Variants in VRTN observed in about 807,000 individuals in gnomAD.
VRTN encodes the protein vertnin.
VRTN carries 5 observed loss-of-function variants against 18.2 expected under a neutral mutation model. The ratio of observed to expected loss-of-function variants is 0.27; its 90% confidence interval spans 0.14 to 0.58. The LOEUF (loss-of-function observed/expected upper bound fraction) is 0.58. Among genes scored for constraint, VRTN ranks in the 20% least tolerant of loss-of-function variants. The pLI is 0.91. For synonymous variants in VRTN, 381 were observed against 393.7 expected (o/e 0.97, Z 0.38); for missense variants, 741 against 939.4 (o/e 0.79, Z 2.76).
intron 1 of VRTN, among the ~76,000 whole-genome samples, chr14:74,324,308 AACCCGGGAG>A (rs2085473991): frequency 1.3e-5 from 2 of 148,544 alleles, no homozygotes; most frequent in Non-Finnish European, 3.0e-5. Flanking sequence ...GAATCGCTTG[AACCCGGGAG>A]GCAGAGGTTG....
At chr14:74,327,128 A>G (rs1200182800) in intron 1 of VRTN, among the ~76,000 whole-genome samples, 2 of 152,122 alleles carry the variant, frequency 1.3e-5, no homozygotes, top group East Asian at 3.9e-4. Context: ...CCACTGATAA[A>G]TACACTATTT....
rs1474043765 is a variant in VRTN at position 74,332,355 on chromosome 14, T to G, written c.-163-5368T>G. On this transcript the variant is annotated intron_variant, in intron 1 of 2. Transcript: ENST00000557177. Reference sequence around the variant, plus strand: ...AATCTGTTTTTTTTTTTTTTTTTTTTTTTTTTTTTTTTTTTTTTTTTAGAT... The same window carrying G: ...AATCTGTTTTTTTTTTTTTTTTTTTGTTTTTTTTTTTTTTTTTTTTTAGAT... Among the ~76,000 whole-genome samples the G allele has an allele frequency of 8.8e-5, 11 of 125,560 alleles. 1 individual carries two copies. The highest frequency in any genetic ancestry group is 3.7e-4 in the African/African-American group (11 of 29,710). The allele number at this position is 125,560 out of a possible 152,430, so 82.4% of individuals were successfully genotyped here.
At chr14:74,355,691 T>C (rs892509189) in intron 1 of VRTN, among the ~76,000 whole-genome samples, 2 of 152,092 alleles carry the variant, frequency 1.3e-5, no homozygotes, top group Non-Finnish European at 2.9e-5. Context: ...CATTCCACCA[T>C]GCCTGGCTAA....
chr14:74,340,485 C>T (rs961558458), intron 2 of VRTN, among the ~76,000 whole-genome samples: 6 of 151,900 alleles, frequency 3.9e-5, no homozygotes, highest in African/African-American at 9.7e-5. Context: ...AGAGGTGATC[C>T]GCCTACCTCC....
At position 74,319,539 on chromosome 14, in the gene VRTN, C is replaced by G. The variant is rs112490104; in HGVS notation, c.-164+16363C>G. 8.6e-3 allele frequency among the ~76,000 whole-genome samples: 1,309 copies of G among 152,180 alleles called. 17 individuals carry two copies. Among genetic ancestry groups the G allele is most frequent in the African/African-American group, 0.03 (1,236 of 41,540 alleles). On this transcript the variant is annotated intron_variant, in intron 1 of 2. Coordinates refer to the VRTN transcript ENST00000557177. The stretch of plus-strand genomic sequence containing the variant: ...CTGAGCAACTGAGTGAATGATGGTA[C>G]CATTTACTGGGGTTGGGAGTTATGG...
intron 1 of VRTN, among the ~76,000 whole-genome samples, chr14:74,353,330 T>C (rs993045101): frequency 1.3e-5 from 2 of 152,196 alleles, no homozygotes; most frequent in African/African-American, 4.8e-5. Context: ...CTAACTTGTA[T>C]TGTGACCTTG....
At chr14:74,308,521 T>C (rs1407821726) in intron 1 of VRTN, among the ~76,000 whole-genome samples, 1 of 146,884 alleles carries the variant, frequency 6.8e-6, no homozygotes, top group Non-Finnish European at 1.5e-5. Context: ...TCAAGGCTTC[T>C]TTTTTTTTTT....
At chr14:74,322,760 A>G (rs1390035682) in intron 1 of VRTN, among the ~76,000 whole-genome samples, 1 of 152,142 alleles carries the variant, frequency 6.6e-6, no homozygotes, top group African/African-American at 2.4e-5. Flanking sequence ...TCTCCTTTCT[A>G]TCCCTAGCTG....
At chr14:74,309,268 C>T (rs1355660568) in intron 1 of VRTN, among the ~76,000 whole-genome samples, 1 of 152,142 alleles carries the variant, frequency 6.6e-6, no homozygotes, top group Non-Finnish European at 1.5e-5. Flanking sequence ...TCTCGCTCCA[C>T]CCCAAGAGGA....
intron 1 of VRTN, among the ~76,000 whole-genome samples, chr14:74,319,020 AT>A (rs1033733771): frequency 1.4e-5 from 2 of 139,818 alleles, no homozygotes; most frequent in African/African-American, 5.4e-5. Flanking sequence ...TGGTCTCGGG[AT>A]TTTTTTTTGT....
At chr14:74,312,479 C>T (rs190774134) in intron 1 of VRTN, among the ~76,000 whole-genome samples, 4 of 152,188 alleles carry the variant, frequency 2.6e-5, no homozygotes, top group Admixed American at 2.0e-4. Flanking sequence ...AAGAGAAAGT[C>T]TCACTCTGTA....
Position 74,357,757 on chromosome 14 carries a change from A to G in VRTN, c.974A>G (p.His325Arg). Residue 325 changes from histidine (H) to arginine (R), a missense_variant, in exon 2 of 2, where the codon CAC (histidine) becomes CGC (arginine). By Grantham distance (29) the His-to-Arg change is conservative. Coordinates refer to ENST00000256362, the MANE Select transcript of VRTN (RefSeq NM_018228.3). The surrounding 1 kb of genome is among the most constrained non-coding windows in gnomAD (Gnocchi z 7.8). ...SAKHFLQDSF[H>R]RGGVVPLQQF... is the part of the protein sequence containing the mutation. ...AAGCACTTCCTGCAGGACAGCTTCC[A>G]CCGGGGGGGCGTCGTGCCACTTCAG... 6.2e-7 allele frequency: 1 copy of G among 1,613,226 alleles called. No individual in the cohort carries two copies. The highest frequency in any genetic ancestry group is 8.5e-7 in the Non-Finnish European group (1 of 1,180,014).
chr14:74,340,254 A>C (rs2085593981), intron 2 of VRTN, among the ~76,000 whole-genome samples: 2 of 151,966 alleles, frequency 1.3e-5, no homozygotes, highest in Non-Finnish European at 2.9e-5. Context: ...CTGGGATTAT[A>C]GGCATGTGCC....
intron 1 of VRTN, among the ~76,000 whole-genome samples, chr14:74,306,901 T>C (rs1017674491): frequency 6.6e-6 from 1 of 152,092 alleles, no homozygotes; most frequent in Non-Finnish European, 1.5e-5. Context: ...CCACCGCTCC[T>C]GGCCTCTAGT....
intron 1 of VRTN, among the ~76,000 whole-genome samples, chr14:74,349,730 T>C (rs1308118372): frequency 6.6e-6 from 1 of 152,178 alleles, no homozygotes; most frequent in Non-Finnish European, 1.5e-5. Flanking sequence ...CCCCATATGC[T>C]TGAAATAAAG....
intron 1 of VRTN, among the ~76,000 whole-genome samples, chr14:74,328,118 C>T (rs1463418089): frequency 1.3e-5 from 2 of 152,130 alleles, no homozygotes; most frequent in African/African-American, 4.8e-5. Flanking sequence ...GTATGTTCCA[C>T]CTCTTCTGAG....
At chr14:74,337,832 T>G (rs2085575099) in exon 2 of VRTN, 1 of 152,290 alleles carries the variant, frequency 6.6e-6, no homozygotes, top group Non-Finnish European at 1.5e-5. Flanking sequence ...ACATTGCCCA[T>G]CCCAGGTACC....
Position 74,316,888 on chromosome 14 carries a change from C to T in VRTN, c.-164+13712C>T, listed in dbSNP as rs533459574. On this transcript the variant is annotated intron_variant, in intron 1 of 2. Transcript: ENST00000557177. The stretch of plus-strand genomic sequence containing the variant: ...TCCTGACCTCGTGATCCGCCCGTCT[C>T]GGCCTCCCAAAGTGCTGGGATTACA... 9.9e-5 allele frequency among the ~76,000 whole-genome samples: 15 copies of T among 152,006 alleles called. No individual in the cohort carries two copies. The East Asian group carries it at 1.8e-3, about 18-fold the overall frequency.
chr14:74,358,490 G>A lies in VRTN; in HGVS notation c.1707G>A (p.Gly569=), dbSNP rs777090816. ...CGGTCCCCACCTTGGGCAAAGGGGGGCAGGAGGCTGAGGAGAAGCAGGAGA... is the reference window on the plus strand; with the variant it reads ...CGGTCCCCACCTTGGGCAAAGGGGGACAGGAGGCTGAGGAGAAGCAGGAGA... ...QVPVPTLGKG[G]QEAEEKQEKE... Residue 569 remains glycine, a synonymous_variant, in exon 2 of 2, where the codon GGG becomes GGA. Transcript: ENST00000256362. The surrounding 1 kb of genome is among the most constrained non-coding windows in gnomAD (Gnocchi z 5.4). 3.1e-6 allele frequency: 5 copies of A among 1,614,196 alleles called. No individual in the cohort carries two copies. In the South Asian group the frequency reaches 4.4e-5, roughly 14 times the overall value.
Sources: gnomAD v4.1 joint callset for allele counts (sites outside exome capture counted in the v4.1 genomes callset) on GRCh38, gnomAD v4.1.1 for gene constraint, Gnocchi (gnomAD v3.1) non-coding constraint, MANE v1.5 for transcripts, NCBI Gene and HGNC (gene_info 2026-07-23, HGNC 2026-07-21) for gene names.